The following MSANTD5 variants were observed in gnomAD, a reference collection of about 807,000 sequenced individuals.
MSANTD5 encodes Myb/SANT DNA binding domain containing 5, also known as uncharacterized protein MSANTD5.
upstream of MSANTD5, among the ~76,000 whole-genome samples, chr5:178,698,865 G>C (rs1765447933): frequency 6.7e-6 from 1 of 149,632 alleles, no homozygotes; most frequent in Admixed American, 6.7e-5. Context: ...TGCTGAGACT[G>C]CAGGTGTGAG....
the MSANTD5 span, among the ~76,000 whole-genome samples, chr5:178,702,723 G>A: frequency 1.4e-3 from 210 of 151,406 alleles, 1 homozygote; most frequent in African/African-American, 4.5e-3. Context: ...TCAGCCTCCC[G>A]AGTAGCTGGG....
downstream of MSANTD5, among the ~76,000 whole-genome samples, chr5:178,692,249 A>G (rs6890218): frequency 1.9e-3 from 162 of 85,314 alleles, 30 homozygotes; most frequent in Non-Finnish European, 3.5e-3. Flanking sequence ...GCATGGTGGC[A>G]GGCGCCTGTA....
upstream of MSANTD5, among the ~76,000 whole-genome samples, chr5:178,701,863 A>G (rs1033075544): frequency 6.6e-6 from 1 of 150,478 alleles, no homozygotes; most frequent in African/African-American, 2.4e-5. Context: ...CCTCCCGAGT[A>G]GCTGGGATTA....
the MSANTD5 span, among the ~76,000 whole-genome samples, chr5:178,706,169 G>A: frequency 6.6e-6 from 1 of 152,094 alleles, no homozygotes; most frequent in African/African-American, 2.4e-5. Context: ...ATGTGGTGTG[G>A]TTGATTTTCA....
chr5:178,696,506 G>A (rs368761776), intron 1 of MSANTD5, among the ~76,000 whole-genome samples: 16 of 152,266 alleles, frequency 1.1e-4, no homozygotes, highest in African/African-American at 2.9e-4. Flanking sequence ...GATTACAGGC[G>A]TGAGCCACTG....
At chr5:178,705,807 C>A in the MSANTD5 span, among the ~76,000 whole-genome samples, 868 of 151,992 alleles carry the variant, frequency 5.7e-3, 3 homozygotes, top group African/African-American at 0.019. Flanking sequence ...AATACAAAAA[C>A]TTAGCTGGGC....
At chr5:178,693,081 G>A (rs185927884), downstream of MSANTD5, among the ~76,000 whole-genome samples, 1,400 of 151,932 alleles carry the variant, frequency 9.2e-3, 11 homozygotes, top group Non-Finnish European at 0.015. Context: ...AGGCTGAGGC[G>A]GGCGGATCAC....
upstream of MSANTD5, among the ~76,000 whole-genome samples, chr5:178,699,798 T>A (rs1765456861): frequency 9.3e-6 from 1 of 107,980 alleles, no homozygotes; most frequent in South Asian, 3.3e-4. Flanking sequence ...GTTACTTCCA[T>A]GGACAACAGC....
the MSANTD5 span, among the ~76,000 whole-genome samples, chr5:178,704,837 T>A: frequency 4.6e-5 from 7 of 152,146 alleles, no homozygotes; most frequent in Non-Finnish European, 8.8e-5. Flanking sequence ...GAGAGAGAAC[T>A]TCCACACTCT....
At chr5:178,697,296 T>C (rs1765426107) in intron 1 of MSANTD5, among the ~76,000 whole-genome samples, 1 of 146,090 alleles carries the variant, frequency 6.8e-6, no homozygotes, top group Non-Finnish European at 1.5e-5. Flanking sequence ...CTACTAAAAA[T>C]ACAAAAAATT....
At chr5:178,698,749 C>CTTTTTT (rs70997624), upstream of MSANTD5, among the ~76,000 whole-genome samples, 61 of 98,788 alleles carry the variant, frequency 6.2e-4, no homozygotes, top group African/African-American at 1.2e-3. Context: ...CATGCTTGGC[C>CTTTTTT]TTTTTTTTTT....
At chr5:178,698,581 C>T (rs1286477504), upstream of MSANTD5, among the ~76,000 whole-genome samples, 2 of 151,936 alleles carry the variant, frequency 1.3e-5, no homozygotes, top group Non-Finnish European at 2.9e-5. Flanking sequence ...TTTATTTCTA[C>T]CCATTTTTTA....
chr5:178,701,030 G>A (rs1278208743), upstream of MSANTD5, among the ~76,000 whole-genome samples: 3 of 152,178 alleles, frequency 2.0e-5, no homozygotes, highest in Non-Finnish European at 2.9e-5. Flanking sequence ...CTGGAGTGCA[G>A]TGGCGCGATC....
the MSANTD5 span, among the ~76,000 whole-genome samples, chr5:178,706,046 G>C: frequency 6.6e-6 from 1 of 152,212 alleles, no homozygotes; most frequent in Non-Finnish European, 1.5e-5. Flanking sequence ...AGTTTCCAGT[G>C]AAAGAGGAAG....
In MSANTD5 at chr5:178,697,428, T is replaced by A. The variant is rs534781153; in HGVS notation, c.6+158A>T. On this transcript the variant is annotated intron_variant, in intron 1 of 3. Coordinates refer to ENST00000648368, the Ensembl canonical transcript of MSANTD5. ...GGGATCGCGCCCCTGCACTCCAGCC[T>A]GGGCGACAGAGCGAGACTCCGTCTC... 8.5e-5 allele frequency among the ~76,000 whole-genome samples: 13 copies of A among 152,268 alleles called. No homozygotes were observed. The East Asian group carries it at 2.5e-3, about 29-fold the overall frequency.
the MSANTD5 span, among the ~76,000 whole-genome samples, chr5:178,704,398 AT>A: frequency 6.6e-6 from 1 of 152,200 alleles, no homozygotes; most frequent in East Asian, 1.9e-4. Context: ...AGAGAGCTTG[AT>A]TCCCCCTTCA....
rs188106995 is a variant in MSANTD5 at position 178,696,869 on chromosome 5, C to T, written c.7-688G>A. Among the ~76,000 whole-genome samples the T allele has an allele frequency of 3.9e-5, 6 of 152,052 alleles. No homozygotes were observed. The East Asian group carries it at 1.2e-3, about 30-fold the overall frequency. On this transcript the variant is annotated intron_variant, in intron 1 of 3. Transcript: ENST00000648368. ...AGTCCCCTGTCCAAGCAGATCAGAGCATGAATGAGAGGAAACTGCCTGGGC... is the reference window on the plus strand; with the variant it reads ...AGTCCCCTGTCCAAGCAGATCAGAGTATGAATGAGAGGAAACTGCCTGGGC...
the MSANTD5 span, among the ~76,000 whole-genome samples, chr5:178,705,457 A>C: frequency 6.6e-6 from 1 of 152,014 alleles, no homozygotes; most frequent in South Asian, 2.1e-4. Context: ...TTCCCCTGCA[A>C]AAAAGGAGAA....
chr5:178,706,798 A>C, the MSANTD5 span: 1 of 152,038 alleles, frequency 6.6e-6, no homozygotes, highest in Non-Finnish European at 1.5e-5. Context: ...GATATTTCTC[A>C]GATCATGACC....
Sources: allele counts gnomAD v4.1 joint callset (sites outside exome capture counted in the v4.1 genomes callset), GRCh38; gene constraint gnomAD v4.1.1; transcripts MANE v1.5; gene names NCBI Gene and HGNC (gene_info 2026-07-23, HGNC 2026-07-21).